Variants in CDH18 observed in about 807,000 individuals in gnomAD.
CDH18 encodes cadherin-18.
Under a neutral mutation model 67.9 loss-of-function variants are expected in CDH18, and 31 were observed. The observed-to-expected ratio is 0.46, with a 90% CI of 0.34 to 0.62. The LOEUF (loss-of-function observed/expected upper bound fraction) is 0.62. CDH18 is among the 20% of genes least tolerant of loss of function. The pLI is 0.01. For missense variants in CDH18, 890 were observed against 975.5 expected (o/e 0.91, Z 1.17); for synonymous variants, 362 against 347.2 (o/e 1.04, Z -0.48).
chr5:19,539,579 G>C (rs563530072), intron 9 of CDH18, among the ~76,000 whole-genome samples: 1 of 152,126 alleles, frequency 6.6e-6, no homozygotes, highest in South Asian at 2.1e-4. Flanking sequence ...TTAGCTCAAT[G>C]CCTTTGTATT....
In CDH18 at chr5:20,016,078, GC is replaced by G. The variant is rs568376317; in HGVS notation, c.-517-24065del. 6.6e-5 allele frequency among the ~76,000 whole-genome samples: 10 copies of G among 152,148 alleles called. No individual in the cohort carries two copies. The South Asian group carries it at 2.1e-3, about 32-fold the overall frequency. ...GAATCAATCTAAATACCCATCAATAGCAGACTGGATAACAAAAATGTGGTAC... is the reference window on the plus strand; with the variant it reads ...GAATCAATCTAAATACCCATCAATAGAGACTGGATAACAAAAATGTGGTAC... On this transcript the variant is annotated intron_variant, in intron 2 of 14. Transcript: ENST00000507958.
intron 3 of CDH18, among the ~76,000 whole-genome samples, chr5:19,834,839 G>A (rs538095984): frequency 6.6e-6 from 1 of 152,116 alleles, no homozygotes; most frequent in Admixed American, 6.6e-5. Context: ...TTTTGAGTGA[G>A]TTTTTAAATT....
rs372548554 is a variant in CDH18 at position 20,501,546 on chromosome 5, T to TTATA, written c.-580+73912_-580+73915dup. On this transcript the variant is annotated intron_variant, in intron 1 of 14. Coordinates refer to the CDH18 transcript ENST00000507958. The stretch of plus-strand genomic sequence containing the variant: ...ACATATTATATATATTATATACATA[T>TTATA]TATATATATAATATATATATATAAT... 3.3e-3 allele frequency among the ~76,000 whole-genome samples: 77 copies of TTATA among 23,098 alleles called. No individual in the cohort carries two copies. In the East Asian group the frequency reaches 0.036, roughly 11 times the overall value. 15.2% of individuals were successfully genotyped at this position (23,098 alleles called of 152,430 possible).
intron 3 of CDH18, among the ~76,000 whole-genome samples, chr5:19,816,960 T>A (rs1037011396): frequency 6.6e-6 from 1 of 151,814 alleles, no homozygotes; most frequent in East Asian, 1.9e-4. Flanking sequence ...TGAAAAATTA[T>A]TAATAACTTT....
At chr5:19,573,404 G>T (rs12152771) in intron 7 of CDH18, among the ~76,000 whole-genome samples, 8,714 of 151,668 alleles carry the variant, frequency 0.057, 277 homozygotes, top group Non-Finnish European at 0.074. Flanking sequence ...TCAGCCTCCC[G>T]AGTAGCTGGA....
chr5:19,957,814 A>G (rs1342588956), intron 2 of CDH18, among the ~76,000 whole-genome samples: 1 of 150,168 alleles, frequency 6.7e-6, no homozygotes, highest in Non-Finnish European at 1.5e-5. Context: ...TTATTTTCAG[A>G]GTTAAAGGAT....
intron 2 of CDH18, among the ~76,000 whole-genome samples, chr5:20,210,943 AAAGT>A (rs548748707): frequency 8.5e-4 from 129 of 152,174 alleles, no homozygotes; most frequent in African/African-American, 2.3e-3. Context: ...AAAAATAATA[AAAGT>A]AAGATTAGAT....
chr5:20,349,582 C>A (rs1406688828), intron 1 of CDH18, among the ~76,000 whole-genome samples: 1 of 151,982 alleles, frequency 6.6e-6, no homozygotes, highest in East Asian at 1.9e-4. Flanking sequence ...GCTATGTATT[C>A]ATAGTAAGTA....
intron 2 of CDH18, among the ~76,000 whole-genome samples, chr5:19,909,959 C>A (rs541988771): frequency 6.6e-6 from 1 of 152,004 alleles, no homozygotes; most frequent in Admixed American, 6.6e-5. Flanking sequence ...TCTTTTTTAC[C>A]CATGAACATA....
At chr5:19,741,264 T>TAC (rs777429222) in intron 4 of CDH18, among the ~76,000 whole-genome samples, 1,339 of 127,018 alleles carry the variant, frequency 0.011, 12 homozygotes, top group Middle Eastern at 0.022. Flanking sequence ...TATGTATACA[T>TAC]ATATACATAT....
chr5:19,495,840 C>T (rs1165038990), intron 11 of CDH18, among the ~76,000 whole-genome samples: 2 of 151,532 alleles, frequency 1.3e-5, no homozygotes, highest in Non-Finnish European at 2.9e-5. Context: ...AGAAGCAAAC[C>T]GTTGGTTGCA....
At position 19,602,104 on chromosome 5, in the gene CDH18, T is replaced by C. The variant is rs539443919; in HGVS notation, c.811+10330A>G. ...ATACTGGAAATCCTAGCCAGAGTAATAAGGCAAGAAAAAGAAATTAAAAGC... is the reference window on the plus strand; with the variant it reads ...ATACTGGAAATCCTAGCCAGAGTAACAAGGCAAGAAAAAGAAATTAAAAGC... On this transcript the variant is annotated intron_variant, in intron 6 of 12. Coordinates refer to ENST00000382275, the MANE Select transcript of CDH18 (RefSeq NM_004934.5). Among the ~76,000 whole-genome samples the C allele has an allele frequency of 5.9e-5, 9 of 152,026 alleles. No individual in the cohort carries two copies. In the South Asian group the frequency reaches 1.9e-3, roughly 32 times the overall value.
intron 1 of CDH18, among the ~76,000 whole-genome samples, chr5:20,267,768 AATTT>A (rs756568390): frequency 6.6e-6 from 1 of 152,178 alleles, no homozygotes; most frequent in Non-Finnish European, 1.5e-5. Context: ...AACATAACTG[AATTT>A]ATTTATCAAA....
intron 9 of CDH18, among the ~76,000 whole-genome samples, chr5:19,525,949 C>T (rs1747690692): frequency 6.6e-6 from 1 of 151,936 alleles, no homozygotes; most frequent in Admixed American, 6.6e-5. Context: ...TGCTTCATTT[C>T]TAGAAAACAA....
rs566577326 is a variant in CDH18, at chr5:20,065,986, A to C, written c.-517-73972T>G. Among the ~76,000 whole-genome samples, 4 of 152,178 alleles carry C rather than the reference A, an allele frequency of 2.6e-5. No homozygotes were observed. In the South Asian group the frequency reaches 8.3e-4, roughly 32 times the overall value. The stretch of plus-strand genomic sequence containing the variant: ...TGAAAGGCAACTTTAAGATGGGACT[A>C]TTTTTATTGATGACATTTTCAAATT... On this transcript the variant is annotated intron_variant, in intron 2 of 14. Transcript: ENST00000507958.
chr5:19,989,613 C>T (rs1240454407), upstream of CDH18, among the ~76,000 whole-genome samples: 1 of 152,116 alleles, frequency 6.6e-6, no homozygotes, highest in East Asian at 1.9e-4. Flanking sequence ...CTAATTACTC[C>T]CCTCTTTTCT....
intron 5 of CDH18, among the ~76,000 whole-genome samples, chr5:19,639,891 T>C (rs185409894): frequency 1.3e-5 from 2 of 152,278 alleles, no homozygotes; most frequent in Admixed American, 1.3e-4. Context: ...ATTCATCACA[T>C]ACAAGGGAAT....
intron 3 of CDH18, among the ~76,000 whole-genome samples, chr5:19,836,948 A>G (rs534597992): frequency 6.6e-6 from 1 of 152,280 alleles, no homozygotes; most frequent in Non-Finnish European, 1.5e-5. Context: ...TACTATAAAG[A>G]CACTTGCACA....
chr5:20,045,308 G>A (rs2150480093), intron 2 of CDH18, among the ~76,000 whole-genome samples: 1 of 152,234 alleles, frequency 6.6e-6, no homozygotes, highest in African/African-American at 2.4e-5. Flanking sequence ...TGGTTGTTGA[G>A]TGTTTCAGTG....
Sources: gnomAD v4.1 joint callset for allele counts (sites outside exome capture counted in the v4.1 genomes callset) on GRCh38, gnomAD v4.1.1 for gene constraint, MANE v1.5 for transcripts, NCBI Gene and HGNC (gene_info 2026-07-23, HGNC 2026-07-21) for gene names.